ACOT7: variants seen among roughly 807,000 people sequenced by gnomAD.
ACOT7 encodes cytosolic acyl coenzyme A thioester hydrolase.
In ACOT7, 12 loss-of-function variants were observed where a neutral mutation model predicts 40.2. The ratio of observed to expected loss-of-function variants is 0.30; its 90% CI spans 0.19 to 0.48. The LOEUF (loss-of-function observed/expected upper bound fraction) is 0.48, where lower values mean the gene tolerates loss of function less well. Among genes scored for constraint, ACOT7 ranks in the 20% least tolerant of loss-of-function variants. ACOT7 has a pLI of 0.99. For missense variants in ACOT7, 395 were observed against 530.8 expected (o/e 0.74, Z 2.51); for synonymous variants, 228 against 219.5 (o/e 1.04, Z -0.34).
intron 5 of ACOT7, among the ~76,000 whole-genome samples, chr1:6,326,243 G>T (rs563106249): frequency 1.3e-5 from 2 of 152,334 alleles, no homozygotes; most frequent in East Asian, 3.9e-4. Flanking sequence ...AGTAGGGAGA[G>T]GGGTAATGCT....
At chr1:6,378,957 G>A (rs1410429596) in intron 1 of ACOT7, among the ~76,000 whole-genome samples, 3 of 151,624 alleles carry the variant, frequency 2.0e-5, no homozygotes, top group African/African-American at 4.8e-5. Context: ...GTGCAGTGGC[G>A]CAATCTCGGC....
intron 3 of ACOT7, among the ~76,000 whole-genome samples, chr1:6,334,062 C>T (rs943884497): frequency 6.6e-6 from 1 of 152,186 alleles, no homozygotes; most frequent in Non-Finnish European, 1.5e-5. Flanking sequence ...GGTGTTTTGA[C>T]AGAAAGGGAG....
intron 1 of ACOT7, among the ~76,000 whole-genome samples, chr1:6,376,992 C>T (rs78311504): frequency 0.031 from 4,689 of 152,270 alleles, 236 homozygotes; most frequent in African/African-American, 0.11. Flanking sequence ...TGCTCAACAC[C>T]TTATGTCATT....
At chr1:6,281,548 C>T (rs984011747) in intron 7 of ACOT7, among the ~76,000 whole-genome samples, 12 of 152,272 alleles carry the variant, frequency 7.9e-5, no homozygotes, top group African/African-American at 2.7e-4. Context: ...CCCGCCCAGG[C>T]GGGCTCTCTC....
chr1:6,356,344 G>T (rs764129521), intron 1 of ACOT7, among the ~76,000 whole-genome samples: 5 of 152,116 alleles, frequency 3.3e-5, no homozygotes, highest in Non-Finnish European at 7.4e-5. Context: ...CCCAAAGAAA[G>T]CAGCACTGAG....
intron 1 of ACOT7, 125 bp downstream of exon 1, chr1:6,393,132 C>A: frequency 9.3e-7 from 1 of 1,070,974 alleles, no homozygotes; most frequent in Non-Finnish European, 1.2e-6. Context: ...GCGCGGAAGG[C>A]CGTGCGGGGA....
rs74049539 is a variant in ACOT7, at chr1:6,353,986, G to A, written c.144-4120C>T. On this transcript the variant is annotated intron_variant, in intron 1 of 8. Transcript: ENST00000361521. The stretch of plus-strand genomic sequence containing the variant: ...GTCCTGGCAGCCAGTGACCCGGGCT[G>A]ACTGCAGGTCTGGAATGTCACCCGG... Among the ~76,000 whole-genome samples the A allele has an allele frequency of 1.9e-3, 286 of 152,312 alleles. 3 individuals carry two copies. The highest frequency in any genetic ancestry group is 6.6e-3 in the African/African-American group (276 of 41,576).
At chr1:6,295,020 C>T (rs374912644) in intron 6 of ACOT7, 40 bp from the exon 7 acceptor site, 1 of 1,489,502 alleles carries the variant, frequency 6.7e-7, no homozygotes, top group East Asian at 2.3e-5. Context: ...GACACGGAGG[C>T]AGAGGAGATT....
At chr1:6,374,663 C>G (rs1052356899) in intron 1 of ACOT7, among the ~76,000 whole-genome samples, 2 of 152,198 alleles carry the variant, frequency 1.3e-5, no homozygotes, top group Non-Finnish European at 2.9e-5. Flanking sequence ...GCCACACACC[C>G]CTAGGTCACT....
intron 8 of ACOT7, among the ~76,000 whole-genome samples, chr1:6,269,815 G>C (rs1232704544): frequency 6.6e-6 from 1 of 152,248 alleles, no homozygotes; most frequent in Admixed American, 6.5e-5. Flanking sequence ...TCCAGGCTCT[G>C]AGACAGAGTC....
intron 6 of ACOT7, among the ~76,000 whole-genome samples, chr1:6,300,655 G>A (rs192592129): frequency 7.2e-6 from 1 of 138,662 alleles, no homozygotes; most frequent in African/African-American, 2.8e-5. Context: ...CACAAACACA[G>A]AATCTCACCG....
rs1170149427 is a variant in ACOT7 at position 6,306,620 on chromosome 1, T to G, written c.713-11640A>C. ...AGGCGAGTACTAGAAGGAATTTAACTGCAGCCTGTGCCACTCAGCTTCACG... is the reference window on the plus strand; with the variant it reads ...AGGCGAGTACTAGAAGGAATTTAACGGCAGCCTGTGCCACTCAGCTTCACG... On this transcript the variant is annotated intron_variant, in intron 6 of 8. Transcript: ENST00000361521. The surrounding 1 kb of genome is among the most constrained non-coding windows in gnomAD (Gnocchi z 4.3). 1 of 985,338 alleles carries G rather than the reference T, an allele frequency of 1.0e-6. No individual in the cohort carries two copies. Among genetic ancestry groups the G allele is most frequent in the Non-Finnish European group, 1.2e-6 (1 of 829,942 alleles). The allele number at this position is 985,338 out of a possible 1,614,324, so 61.0% of individuals were successfully genotyped here.
chr1:6,382,009 G>A (rs371504092), intron 1 of ACOT7, among the ~76,000 whole-genome samples: 1 of 151,620 alleles, frequency 6.6e-6, no homozygotes, highest in African/African-American at 2.4e-5. Context: ...GTGATGGTGG[G>A]CGCCTGTAGT....
chr1:6,321,705 G>A (rs192430857), intron 5 of ACOT7, among the ~76,000 whole-genome samples: 10 of 152,220 alleles, frequency 6.6e-5, no homozygotes, highest in East Asian at 1.9e-4. Context: ...TAGTAGAGAC[G>A]GGGTTTCACC....
At position 6,311,511 on chromosome 1, in the gene ACOT7, G is replaced by A. The variant is rs565010431; in HGVS notation, c.712+6981C>T. Among the ~76,000 whole-genome samples, 5 of 152,190 alleles carry A rather than the reference G, an allele frequency of 3.3e-5. No individual in the cohort carries two copies. Among genetic ancestry groups the A allele is most frequent in the Non-Finnish European group, 7.3e-5 (5 of 68,042 alleles). On this transcript the variant is annotated intron_variant, in intron 6 of 8. Coordinates refer to ENST00000361521, the MANE Select transcript of ACOT7 (RefSeq NM_007274.4). This position sits in a 1 kb window ranked among gnomAD's most constrained non-coding sequence, Gnocchi z 5.2. ...GGCAGGGCTGGAGCTGCCGCTGTCC[G>A]CAAGGTTCAATCTGCCCCTCAAGGT...
rs1237606354 is a variant in ACOT7, at chr1:6,322,684, A to G, written c.626-4106T>C. ...CCTCTTCTTGTAAAGACACCAGCCC[A>G]CCCTAATGACCTCATTTTAACTTAA... On this transcript the variant is annotated intron_variant, in intron 5 of 8. Transcript: ENST00000361521. Among the ~76,000 whole-genome samples the G allele has an allele frequency of 2.0e-5, 3 of 152,040 alleles. No individual in the cohort carries two copies. In the East Asian group the frequency reaches 5.8e-4, roughly 29 times the overall value.
intron 1 of ACOT7, among the ~76,000 whole-genome samples, chr1:6,372,921 T>C (rs1430394655): frequency 2.0e-5 from 3 of 152,140 alleles, no homozygotes; most frequent in Non-Finnish European, 4.4e-5. Context: ...AGGGTATTAA[T>C]TGGTCTAATT....
At chr1:6,351,067 AG>A (rs1641577850) in intron 1 of ACOT7, among the ~76,000 whole-genome samples, 1 of 152,248 alleles carries the variant, frequency 6.6e-6, no homozygotes, top group Non-Finnish European at 1.5e-5. Flanking sequence ...GTAAGTATTT[AG>A]CCAACTTGGT....
rs940248024 is a variant in ACOT7 at position 6,383,396 on chromosome 1, C to T, written c.143+9861G>A. ...TAGAGACGGGGTTTCACCTTGTTAG[C>T]CAGGATGGTCTCGATCTCCTGACCT... On this transcript the variant is annotated intron_variant, in intron 1 of 8. Transcript: ENST00000361521. Among the ~76,000 whole-genome samples the T allele has an allele frequency of 2.6e-4, 39 of 151,190 alleles. 1 individual carries two copies. Among genetic ancestry groups the T allele is most frequent in the Admixed American group, 1.9e-3 (29 of 15,180 alleles).
Sources: allele counts gnomAD v4.1 joint callset (sites outside exome capture counted in the v4.1 genomes callset), GRCh38; gene constraint gnomAD v4.1.1; non-coding constraint Gnocchi (gnomAD v3.1); transcripts MANE v1.5; gene names NCBI Gene and HGNC (gene_info 2026-07-23, HGNC 2026-07-21).